Variants in PPM1F observed in about 807,000 individuals in gnomAD.
PPM1F encodes the protein protein phosphatase, Mg2+/Mn2+ dependent 1F, also known as protein phosphatase 1F.
PPM1F carries 17 observed loss-of-function variants against 35.5 expected under a neutral mutation model. The observed-to-expected ratio is 0.48, with a 90% CI of 0.33 to 0.72. The LOEUF (loss-of-function observed/expected upper bound fraction) is 0.72, where lower values mean the gene tolerates loss of function less well. PPM1F is among the 30% of genes least tolerant of loss of function. The probability of loss-of-function intolerance (pLI) is 0.02; values close to 1 mark genes in which losing one functional copy is unlikely to be tolerated. For synonymous variants in PPM1F, 241 were observed against 255.5 expected (o/e 0.94, Z 0.54); for missense variants, 521 against 613.0 (o/e 0.85, Z 1.59).
chr22:21,926,792 C>T (rs2070521577), intron 6 of PPM1F, among the ~76,000 whole-genome samples: 2 of 152,186 alleles, frequency 1.3e-5, no homozygotes, highest in East Asian at 3.9e-4. Context: ...ACCAGCTGGG[C>T]ATGAGAACTC....
intron 6 of PPM1F, among the ~76,000 whole-genome samples, chr22:21,930,574 GAGAACA>G: frequency 6.6e-6 from 1 of 152,230 alleles, no homozygotes; most frequent in African/African-American, 2.4e-5. Flanking sequence ...ATAGCTGGTG[GAGAACA>G]GCACGTGGGA....
In PPM1F at chr22:21,931,298, G is replaced by A. The variant is rs777440840; in HGVS notation, c.748-7C>T. The A allele has an allele frequency of 8.7e-6, 14 of 1,610,846 alleles. No homozygotes were observed. Among genetic ancestry groups the A allele is most frequent in the Admixed American group, 3.3e-5 (2 of 60,008 alleles). ...TGGTGCCGCTCTGCAGCCGCTGCAG[G>A]GAGAGAGGGCCCATGAGAGTTGAGA... On this transcript the variant is annotated splice_region_variant and splice_polypyrimidine_tract_variant and intron_variant, in intron 5 of 7. Transcript: ENST00000263212.
chr22:21,939,749 A>G lies in PPM1F; in HGVS notation c.207-69T>C. 7 of 1,530,476 alleles carry G rather than the reference A, an allele frequency of 4.6e-6. No individual in the cohort carries two copies. Among genetic ancestry groups the G allele is most frequent in the Non-Finnish European group, 6.2e-6 (7 of 1,132,544 alleles). The allele number at this position is 1,530,476 out of a possible 1,614,324, so 94.8% of individuals were successfully genotyped here. A position where few individuals can be genotyped will look rare whatever the true frequency, so the allele number is the denominator to read the frequency against. ...GACCACACCTAGCCCCCCTTCCCCA[A>G]CTGTCAGCCCACATGCTGAGGGGTC... On this transcript the variant is annotated intron_variant, in intron 2 of 7. Transcript: ENST00000263212. This position sits in a 1 kb window ranked among gnomAD's most constrained non-coding sequence, Gnocchi z 5.1.
chr22:21,944,667 C>G (rs902199097), intron 2 of PPM1F: 1 of 152,254 alleles, frequency 6.6e-6, no homozygotes, highest in African/African-American at 2.4e-5. Flanking sequence ...CTGTGCCAGA[C>G]AGACAGCCTA....
chr22:21,931,112 G>A, intron 6 of PPM1F, 36 bp downstream of exon 6: 1 of 1,611,744 alleles, frequency 6.2e-7, no homozygotes, highest in Non-Finnish European at 8.5e-7. Flanking sequence ...ATGGAGGCCA[G>A]GAATATCCTG....
chr22:21,934,338 G>C, intron 3 of PPM1F, 112 bp from the exon 4 acceptor site: 1 of 833,874 alleles, frequency 1.2e-6, no homozygotes, highest in Non-Finnish European at 1.9e-6. Flanking sequence ...TCACCTCCCG[G>C]GGCATTGTGA....
At chr22:21,933,888 G>C (rs2070625650) in intron 4 of PPM1F, 136 bp downstream of exon 4, 3 of 881,596 alleles carry the variant, frequency 3.4e-6, no homozygotes, top group Non-Finnish European at 5.1e-6. Context: ...TTAGTCTCTT[G>C]CTGGGCAAGT....
intron 5 of PPM1F, 74 bp downstream of exon 5, chr22:21,933,317 G>T: frequency 7.1e-7 from 1 of 1,417,256 alleles, no homozygotes; most frequent in Non-Finnish European, 9.6e-7. Context: ...CCCCTTTGGC[G>T]TTTTTCCCGC....
At position 21,931,292 on chromosome 22, in the gene PPM1F, C is replaced by T. The variant is rs747835964; in HGVS notation, c.748-1G>A. On this transcript the variant is annotated splice_acceptor_variant, in intron 5 of 7. Transcript: ENST00000263212. LOFTEE classifies it high-confidence loss of function. The stretch of plus-strand genomic sequence containing the variant: ...CACCTGTGGTGCCGCTCTGCAGCCG[C>T]TGCAGGGAGAGAGGGCCCATGAGAG... 1.3e-5 allele frequency: 21 copies of T among 1,611,718 alleles called. No homozygotes were observed. Among genetic ancestry groups the T allele is most frequent in the Non-Finnish European group, 1.8e-5 (21 of 1,179,816 alleles).
chr22:21,948,315 C>G (rs1438553715), intron 1 of PPM1F: 3 of 133,612 alleles, frequency 2.2e-5, no homozygotes, highest in Non-Finnish European at 4.9e-5. Context: ...CCCCCCCACC[C>G]CCCATCTCTA....
intron 4 of PPM1F, 72 bp downstream of exon 4, chr22:21,933,952 G>C (rs910548583): frequency 1.4e-6 from 2 of 1,418,540 alleles, no homozygotes. Context: ...AGCTCTTCTC[G>C]GTACCTGGGG....
At position 21,945,837 on chromosome 22, in the gene PPM1F, G is replaced by T; in HGVS notation, c.206+6C>A. The T allele has an allele frequency of 1.2e-6, 2 of 1,607,116 alleles. No individual in the cohort carries two copies. The highest frequency in any genetic ancestry group is 1.7e-6 in the Non-Finnish European group (2 of 1,179,740). On this transcript the variant is annotated splice_donor_region_variant and intron_variant, in intron 2 of 7. Coordinates refer to ENST00000263212, the MANE Select transcript of PPM1F (RefSeq NM_014634.4). ...CCCCGTCCCCTTTGGGGGTGCACAGGCCTACCTGCTGCCCAGAAAGCCCAT... is the reference window on the plus strand; with the variant it reads ...CCCCGTCCCCTTTGGGGGTGCACAGTCCTACCTGCTGCCCAGAAAGCCCAT...
At chr22:21,938,343 C>T in intron 3 of PPM1F, 2 of 1,192,084 alleles carry the variant, frequency 1.7e-6, no homozygotes, top group Non-Finnish European at 2.1e-6. Context: ...GCTGGCTCGG[C>T]CGAGAACAAT....
intron 6 of PPM1F, among the ~76,000 whole-genome samples, chr22:21,926,698 G>C (rs1169522801): frequency 6.6e-6 from 1 of 152,158 alleles, no homozygotes; most frequent in Admixed American, 6.5e-5. Flanking sequence ...AAGTCTACTG[G>C]GGGAAGAGGG....
In PPM1F at chr22:21,934,311, G is replaced by A. The variant is rs148774078; in HGVS notation, c.356-85C>T. On this transcript the variant is annotated intron_variant, in intron 3 of 7. Coordinates refer to ENST00000263212, the MANE Select transcript of PPM1F (RefSeq NM_014634.4). The stretch of plus-strand genomic sequence containing the variant: ...CTGGCTCCCTGACAGCTCCCACAGG[G>A]GCCTGCAAAGCCCCCATCACCTCCC... 446 of 1,184,156 alleles carry A rather than the reference G, an allele frequency of 3.8e-4. 3 individuals carry two copies. In the East Asian group the frequency reaches 9.9e-3, roughly 26 times the overall value. 73.4% of individuals were successfully genotyped at this position (1,184,156 alleles called of 1,614,324 possible).
chr22:21,935,975 C>G (rs1601785413), intron 3 of PPM1F: 1 of 152,270 alleles, frequency 6.6e-6, no homozygotes, highest in East Asian at 1.9e-4. Flanking sequence ...CCAGCCTGGA[C>G]AACAGAGCGA....
At position 21,919,877 on chromosome 22, in the gene PPM1F, G is replaced by GGA. The variant is rs926199524; in HGVS notation, c.*3213_*3214dup. On this transcript the variant is annotated 3_prime_UTR_variant, in exon 8 of 8. Transcript: ENST00000263212. ...CGGTGCCCACGCTGGGCTCACCATA[G>GGA]GAGAGGAGAGGAGAGGGAGGGGGCC... is the stretch of plus-strand genomic sequence containing the variant. 1.2e-4 allele frequency: 18 copies of GGA among 152,002 alleles called. No individual in the cohort carries two copies. Among genetic ancestry groups the GGA allele is most frequent in the African/African-American group, 3.9e-4 (16 of 41,116 alleles). The allele number at this position is 152,002 out of a possible 1,614,324, so 9.4% of individuals were successfully genotyped here. A position where few individuals can be genotyped will look rare whatever the true frequency, so the allele number is the denominator to read the frequency against.
chr22:21,928,954 G>A (rs1166460001), intron 6 of PPM1F, among the ~76,000 whole-genome samples: 6 of 152,198 alleles, frequency 3.9e-5, no homozygotes, highest in African/African-American at 1.4e-4. Context: ...ATCTTGTGCA[G>A]AGTGGGCACT....
At chr22:21,925,891 C>T (rs747874044) in intron 6 of PPM1F, 27 of 453,064 alleles carry the variant, frequency 6.0e-5, no homozygotes, top group South Asian at 2.6e-4. Context: ...GTGAAATGAA[C>T]GGACCACCTG....
Sources: allele counts gnomAD v4.1 joint callset (sites outside exome capture counted in the v4.1 genomes callset), GRCh38; gene constraint gnomAD v4.1.1; non-coding constraint Gnocchi (gnomAD v3.1); transcripts MANE v1.5; gene names NCBI Gene and HGNC (gene_info 2026-07-23, HGNC 2026-07-21).